Variants in DRC4 observed in about 807,000 individuals in gnomAD.
DRC4 encodes dynein regulatory complex subunit 4, also known as GAS-11.
chr16:90,026,977 A>G, the DRC4 span, among the ~76,000 whole-genome samples: 1 of 149,786 alleles, frequency 6.7e-6, no homozygotes, highest in African/African-American at 2.5e-5. Flanking sequence ...CAATGGTGGG[A>G]TCTTGGCTCA....
chr16:90,019,647 C>T, the DRC4 span: 2 of 431,086 alleles, frequency 4.6e-6, no homozygotes, highest in Non-Finnish European at 8.1e-6. The surrounding 1 kb of genome is among the most constrained non-coding windows in gnomAD (Gnocchi z 6.1). Context: ...CCTCGCGGGC[C>T]GCGCCCCGCC....
chr16:90,041,207 G>T, the DRC4 span, among the ~76,000 whole-genome samples: 1 of 152,364 alleles, frequency 6.6e-6, no homozygotes, highest in Non-Finnish European at 1.5e-5. Flanking sequence ...ACGCGCCAGG[G>T]TGAGGATGGA....
At chr16:90,019,755 T>C in the DRC4 span, 2 of 678,966 alleles carry the variant, frequency 2.9e-6, no homozygotes, top group Non-Finnish European at 5.3e-6. This position sits in a 1 kb window ranked among gnomAD's most constrained non-coding sequence, Gnocchi z 6.1. Flanking sequence ...TGGCGTCCTC[T>C]TGTTCTCTTC....
chr16:90,035,859 C>G, the DRC4 span: 1 of 1,498,792 alleles, frequency 6.7e-7, no homozygotes, highest in South Asian at 1.3e-5. Context: ...CACTCAGAAT[C>G]CCAGAACAAC....
chr16:90,043,138 C>G, the DRC4 span: 1 of 1,559,546 alleles, frequency 6.4e-7, no homozygotes, highest in African/African-American at 1.4e-5. Context: ...CTGCACTCAG[C>G]TCTGGTGGTC....
the DRC4 span, among the ~76,000 whole-genome samples, chr16:90,023,781 C>T: frequency 6.6e-6 from 1 of 150,772 alleles, no homozygotes; most frequent in African/African-American, 2.4e-5. Flanking sequence ...ATCATGAGGT[C>T]AGGAGATCCA....
At chr16:90,024,833 CAAA>C in the DRC4 span, among the ~76,000 whole-genome samples, 46 of 151,712 alleles carry the variant, frequency 3.0e-4, no homozygotes, top group Non-Finnish European at 4.1e-4. Flanking sequence ...AAACAAAAAA[CAAA>C]AAAATGCAAC....
the DRC4 span, among the ~76,000 whole-genome samples, chr16:90,023,593 G>A: frequency 2.9e-5 from 4 of 140,066 alleles, no homozygotes; most frequent in South Asian, 9.0e-4. Context: ...CCTTCTTGGA[G>A]TGGAGGGATT....
the DRC4 span, chr16:90,031,459 T>C: frequency 6.3e-7 from 1 of 1,594,286 alleles, no homozygotes; most frequent in East Asian, 2.3e-5. Context: ...GACCGGGAGA[T>C]GGAAGAAGCC....
the DRC4 span, chr16:90,044,916 CATAAGT>C: frequency 4.2e-4 from 91 of 218,142 alleles, no homozygotes; most frequent in Non-Finnish European, 7.1e-4. Flanking sequence ...TTTCTCTATG[CATAAGT>C]ATATTTGTTT....
the DRC4 span, chr16:90,042,226 G>T: frequency 5.3e-6 from 3 of 564,210 alleles, no homozygotes; most frequent in South Asian, 3.1e-5. Context: ...GTGAGCGGCA[G>T]TGCCTGGCCT....
At chr16:90,031,518 G>A in the DRC4 span, 103 of 1,541,672 alleles carry the variant, frequency 6.7e-5, no homozygotes, top group Admixed American at 1.2e-4. Context: ...CGGCCTGCAC[G>A]TGCTAACCTG....
chr16:90,042,290 T>A, the DRC4 span: 1 of 653,462 alleles, frequency 1.5e-6, no homozygotes, highest in Non-Finnish European at 2.8e-6. Flanking sequence ...TGCTTCTTCC[T>A]TGTTTTCTCT....
chr16:90,022,062 C>T, the DRC4 span: 1 of 152,148 alleles, frequency 6.6e-6, no homozygotes, highest in African/African-American at 2.4e-5. Flanking sequence ...GTCGGGAAGC[C>T]TCTGGTTTCT....
chr16:90,037,445 C>G, the DRC4 span: 1 of 1,572,504 alleles, frequency 6.4e-7, no homozygotes, highest in Non-Finnish European at 8.6e-7. Context: ...ATGAGCTTGC[C>G]TAGGCTCAGG....
chr16:90,022,575 G>A, the DRC4 span: 2 of 933,772 alleles, frequency 2.1e-6, no homozygotes, highest in South Asian at 2.5e-5. Context: ...ACGCACTCCC[G>A]CCTTTGGCAG....
At chr16:90,037,379 A>G in the DRC4 span, 7 of 1,613,064 alleles carry the variant, frequency 4.3e-6, no homozygotes, top group Non-Finnish European at 5.1e-6. Flanking sequence ...AAACTACGAG[A>G]GGGACAAGCA....
At chr16:90,039,212 G>A in the DRC4 span, among the ~76,000 whole-genome samples, 105 of 152,272 alleles carry the variant, frequency 6.9e-4, no homozygotes, top group African/African-American at 2.5e-3. Context: ...TTGGGAAGAG[G>A]ACAGCAGAGA....
chr16:90,021,207 C>T, the DRC4 span, among the ~76,000 whole-genome samples: 3 of 152,246 alleles, frequency 2.0e-5, no homozygotes, highest in Non-Finnish European at 4.4e-5. Flanking sequence ...CACAGTGGTT[C>T]TCAGATTCCC....
Sources: allele counts gnomAD v4.1 joint callset (sites outside exome capture counted in the v4.1 genomes callset), GRCh38; gene constraint gnomAD v4.1.1; non-coding constraint Gnocchi (gnomAD v3.1); transcripts MANE v1.5; gene names NCBI Gene and HGNC (gene_info 2026-07-23, HGNC 2026-07-21).